The following MAB21L3 variants were observed in gnomAD, a reference collection of about 807,000 sequenced individuals.
MAB21L3 encodes protein mab-21-like 3.
A neutral mutation model predicts 37.7 loss-of-function variants in MAB21L3; 36 were observed. The observed-to-expected ratio is 0.96, with a 90% confidence interval of 0.73 to 1.26. The LOEUF is 1.26. Among genes scored for constraint, MAB21L3 ranks in the 50% most tolerant of loss-of-function variants. MAB21L3 has a pLI of 0.00. For missense variants in MAB21L3, 430 were observed against 447.3 expected, an observed-to-expected ratio of 0.96 and a Z score of 0.35; for synonymous variants, 186 against 176.8, an observed-to-expected ratio of 1.05 and a Z score of -0.41.
chr1:116,121,587 G>A (rs1659750734), intron 4 of MAB21L3, among the ~76,000 whole-genome samples: 1 of 152,172 alleles, frequency 6.6e-6, no homozygotes, highest in African/African-American at 2.4e-5. Context: ...TTGGGGGTGG[G>A]GTGGAGGGAA....
intron 3 of MAB21L3, 75 bp downstream of exon 3, chr1:116,112,738 A>C: frequency 6.8e-7 from 1 of 1,474,936 alleles, no homozygotes; most frequent in Non-Finnish European, 9.5e-7. Context: ...TCGTCCAGAA[A>C]GGATCTCAGG....
chr1:116,111,960 T>C (rs1462397483), intron 2 of MAB21L3, 150 bp downstream of exon 2: 1 of 156,294 alleles, frequency 6.4e-6, no homozygotes, highest in African/African-American at 2.4e-5. Context: ...GTGTGCATGC[T>C]TTTCTAAATG....
Position 116,112,676 on chromosome 1 carries a change from C to T in MAB21L3, c.48+13C>T, listed in dbSNP as rs1366673055. 2 of 1,613,678 alleles carry T rather than the reference C, an allele frequency of 1.2e-6. No individual in the cohort carries two copies. The highest frequency in any genetic ancestry group is 1.7e-6 in the Non-Finnish European group (2 of 1,179,666). ...CCTACTGAATAAGGTAAGGACAGAC[C>T]CGGTCTCTCCCATGAACCCCCTCCC... On this transcript the variant is annotated intron_variant, in intron 3 of 7. Transcript: ENST00000369500.
chr1:116,125,747 C>A (rs1659891089), intron 5 of MAB21L3, among the ~76,000 whole-genome samples: 1 of 152,200 alleles, frequency 6.6e-6, no homozygotes, highest in Admixed American at 6.5e-5. Context: ...CTCATAACCA[C>A]ACAATACAGT....
chr1:116,131,753 A>G (rs548281268), intron 7 of MAB21L3, among the ~76,000 whole-genome samples: 6 of 152,282 alleles, frequency 3.9e-5, no homozygotes, highest in Non-Finnish European at 7.4e-5. Flanking sequence ...ATTTTAGATG[A>G]GAAGGGAAGT....
At chr1:116,128,663 T>G (rs2101617792) in intron 7 of MAB21L3, among the ~76,000 whole-genome samples, 1 of 152,272 alleles carries the variant, frequency 6.6e-6, no homozygotes, top group Middle Eastern at 3.4e-3. Flanking sequence ...GAGTGCTCAC[T>G]AGGTGCCAGA....
At chr1:116,128,095 C>A (rs970260271) in intron 6 of MAB21L3, 50 bp from the exon 7 acceptor site, 8 of 1,554,470 alleles carry the variant, frequency 5.1e-6, no homozygotes, top group South Asian at 1.2e-5. Flanking sequence ...GCTTTCTACA[C>A]CAGTGAGCAT....
At chr1:116,118,167 A>T (rs923521232) in intron 3 of MAB21L3, among the ~76,000 whole-genome samples, 1 of 152,130 alleles carries the variant, frequency 6.6e-6, no homozygotes, top group Admixed American at 6.6e-5. Flanking sequence ...GCACAGCAAG[A>T]GGTCAGGAGA....
At chr1:116,120,318 C>G (rs1370812674) in intron 3 of MAB21L3, among the ~76,000 whole-genome samples, 1 of 152,030 alleles carries the variant, frequency 6.6e-6, no homozygotes, top group South Asian at 2.1e-4. Flanking sequence ...CCCACCCTAA[C>G]TAAAATAGCT....
intron 3 of MAB21L3, among the ~76,000 whole-genome samples, chr1:116,118,110 A>G (rs1446722282): frequency 2.0e-5 from 3 of 152,150 alleles, no homozygotes; most frequent in East Asian, 1.9e-4. Flanking sequence ...GGGGCCAGGC[A>G]CGGTGGCTCA....
intron 3 of MAB21L3, among the ~76,000 whole-genome samples, chr1:116,117,189 A>ATG (rs1440324772): frequency 1.4e-5 from 2 of 144,252 alleles, no homozygotes; most frequent in Non-Finnish European, 1.5e-5. Flanking sequence ...ATATATATAT[A>ATG]TATGTATAGT....
At chr1:116,115,637 C>T (rs1428496615) in intron 3 of MAB21L3, among the ~76,000 whole-genome samples, 1 of 152,212 alleles carries the variant, frequency 6.6e-6, no homozygotes, top group Non-Finnish European at 1.5e-5. Context: ...TGCTACTTAG[C>T]ACCACCACTC....
At chr1:116,113,442 A>C (rs1038630027) in intron 3 of MAB21L3, among the ~76,000 whole-genome samples, 1 of 152,194 alleles carries the variant, frequency 6.6e-6, no homozygotes, top group African/African-American at 2.4e-5. Context: ...TTTCCCATTA[A>C]TTCCTCCCTT....
chr1:116,127,537 C>G lies in MAB21L3; in HGVS notation c.553C>G (p.Leu185Val), dbSNP rs754932191. The change falls in exon 6 of 8, where the codon CTG becomes GTG. Residue 185 changes from leucine to valine, a missense_variant. Coordinates refer to ENST00000369500, the MANE Select transcript of MAB21L3 (RefSeq NM_152367.3). ...GGAAACATCTGCATATCAGGTGGAACTGGAGCTGGTCCCCGCAGTGGAGAT... is the reference window on the plus strand; with the variant it reads ...GGAAACATCTGCATATCAGGTGGAAGTGGAGCTGGTCCCCGCAGTGGAGAT... The part of the protein sequence containing the change: ...AVETSAYQVE[L>V]ELVPAVEIPT... The G allele has an allele frequency of 9.3e-6, 15 of 1,614,206 alleles. No homozygotes were observed. Among genetic ancestry groups the G allele is most frequent in the Non-Finnish European group, 1.3e-5 (15 of 1,180,038 alleles).
chr1:116,120,487 A>G (rs1474380168), intron 3 of MAB21L3, among the ~76,000 whole-genome samples: 1 of 151,416 alleles, frequency 6.6e-6, no homozygotes, highest in Non-Finnish European at 1.5e-5. Flanking sequence ...ACACATTTAT[A>G]TGTGTGTCTG....
intron 3 of MAB21L3, among the ~76,000 whole-genome samples, chr1:116,114,299 G>T (rs906149762): frequency 3.2e-4 from 48 of 152,104 alleles, no homozygotes; most frequent in African/African-American, 1.1e-3. Flanking sequence ...GCACATATAT[G>T]ATCAGAAATA....
Position 116,112,738 on chromosome 1 carries a change from A to G in MAB21L3, c.48+75A>G. 4 of 1,474,936 alleles carry G rather than the reference A, an allele frequency of 2.7e-6. No individual in the cohort carries two copies. In the South Asian group the frequency reaches 4.6e-5, roughly 17 times the overall value. 91.4% of individuals were successfully genotyped at this position (1,474,936 alleles called of 1,614,324 possible). On this transcript the variant is annotated intron_variant, in intron 3 of 7. Transcript: ENST00000369500. ...CTTCCAAACAAACCTTCGTCCAGAA[A>G]GGATCTCAGGCTCTTTCTAAAGACA...
chr1:116,134,596 G>T lies in MAB21L3; in HGVS notation c.*1231G>T, dbSNP rs1375256823. ...GCCTTGTAAAGCCAGGAAGGAATCAGTATTTTATTCTAAGATCAAAGGTGT... is the reference window on the plus strand; with the variant it reads ...GCCTTGTAAAGCCAGGAAGGAATCATTATTTTATTCTAAGATCAAAGGTGT... On this transcript the variant is annotated 3_prime_UTR_variant, in exon 8 of 8. Coordinates refer to ENST00000369500, the MANE Select transcript of MAB21L3 (RefSeq NM_152367.3). The T allele has an allele frequency of 6.6e-6, 1 of 152,268 alleles. No homozygotes were observed. Among genetic ancestry groups the T allele is most frequent in the Non-Finnish European group, 1.5e-5 (1 of 68,050 alleles). The allele number at this position is 152,268 out of a possible 1,614,324, so 9.4% of individuals were successfully genotyped here. A position where few individuals can be genotyped will look rare whatever the true frequency, so the allele number is the denominator to read the frequency against.
At chr1:116,129,409 C>T (rs762347590) in intron 7 of MAB21L3, among the ~76,000 whole-genome samples, 2 of 152,234 alleles carry the variant, frequency 1.3e-5, no homozygotes, top group Non-Finnish European at 2.9e-5. Context: ...CTAGTGTGGG[C>T]TGTGAAGCCT....
Sources: gnomAD v4.1 joint callset for allele counts (sites outside exome capture counted in the v4.1 genomes callset) on GRCh38, gnomAD v4.1.1 for gene constraint, MANE v1.5 for transcripts, NCBI Gene and HGNC (gene_info 2026-07-23, HGNC 2026-07-21) for gene names.